Variants in NXPH1 observed in about 807,000 individuals in gnomAD.
The protein encoded by NXPH1 is neurexophilin-1.
NXPH1 carries 5 observed loss-of-function variants against 23.7 expected under a neutral mutation model. That is an observed-to-expected ratio of 0.21 (90% CI 0.11 to 0.44). The LOEUF (loss-of-function observed/expected upper bound fraction) is 0.44. NXPH1 is among the 20% of genes least tolerant of loss of function. The probability of loss-of-function intolerance (pLI) is 0.99; values close to 1 mark genes in which losing one functional copy is unlikely to be tolerated. For missense variants in NXPH1, 324 were observed against 321.6 expected, an observed-to-expected ratio of 1.01 and a Z score of -0.06; for synonymous variants, 144 against 122.2, an observed-to-expected ratio of 1.18 and a Z score of -1.18.
At chr7:8,454,489 G>A (rs1006978622) in intron 2 of NXPH1, among the ~76,000 whole-genome samples, 1 of 152,064 alleles carries the variant, frequency 6.6e-6, no homozygotes, top group South Asian at 2.1e-4. Context: ...CAAGCCCTTT[G>A]TTCATTTGTA....
intron 2 of NXPH1, among the ~76,000 whole-genome samples, chr7:8,699,398 T>C (rs911812024): frequency 9.2e-5 from 14 of 151,998 alleles, no homozygotes; most frequent in African/African-American, 3.1e-4. Context: ...CAAATTCACA[T>C]AGTGAAATGT....
intron 2 of NXPH1, among the ~76,000 whole-genome samples, chr7:8,501,327 T>C (rs1319405277): frequency 6.6e-6 from 1 of 151,908 alleles, no homozygotes; most frequent in East Asian, 1.9e-4. Context: ...CCTGGAAGCT[T>C]TTAGGAGTTG....
intron 2 of NXPH1, among the ~76,000 whole-genome samples, chr7:8,726,582 A>G (rs1253059627): frequency 9.0e-5 from 13 of 144,266 alleles, no homozygotes; most frequent in South Asian, 2.2e-4. Flanking sequence ...GAGAATATGC[A>G]GTGTTTGGTT....
chr7:8,681,133 A>G (rs186171026), intron 2 of NXPH1, among the ~76,000 whole-genome samples: 230 of 152,350 alleles, frequency 1.5e-3, no homozygotes, highest in Non-Finnish European at 2.6e-3. Flanking sequence ...TAGTTAGATA[A>G]GTAGATATTT....
intron 2 of NXPH1, among the ~76,000 whole-genome samples, chr7:8,639,375 C>T (rs950885783): frequency 1.3e-5 from 2 of 151,826 alleles, no homozygotes; most frequent in Non-Finnish European, 1.5e-5. Context: ...ACACTACAAA[C>T]AAAAGGCATG....
At chr7:8,467,859 A>G (rs1020534794) in intron 2 of NXPH1, among the ~76,000 whole-genome samples, 4 of 152,174 alleles carry the variant, frequency 2.6e-5, no homozygotes, top group Non-Finnish European at 5.9e-5. Flanking sequence ...TTCTTCTAGA[A>G]AATTTATTAT....
rs1388374943 is a variant in NXPH1 at position 8,751,750 on chromosome 7, C to G, written c.797C>G (p.Pro266Arg). The G allele has an allele frequency of 2.5e-6, 4 of 1,609,822 alleles. No individual in the cohort carries two copies. Among genetic ancestry groups the G allele is most frequent in the Non-Finnish European group, 3.4e-6 (4 of 1,177,828 alleles). The change falls in exon 3 of 3, where the codon CCT (proline) becomes CGT (arginine). Residue 266 changes from proline to arginine, a missense_variant. Coordinates refer to ENST00000405863, the MANE Select transcript of NXPH1 (RefSeq NM_152745.3). The surrounding 1 kb of genome is among the most constrained non-coding windows in gnomAD (Gnocchi z 4.5). The stretch of plus-strand genomic sequence containing the variant: ...GACTACAACTACCACAGTGACACAC[C>G]TTACTTTCCCTCGGGATGAAGGTGA... ...CPDYNYHSDT[P>R]YFPSG
At chr7:8,629,630 C>T (rs1820080751) in intron 2 of NXPH1, among the ~76,000 whole-genome samples, 1 of 152,066 alleles carries the variant, frequency 6.6e-6, no homozygotes, top group Non-Finnish European at 1.5e-5. Context: ...TAGGAAATAA[C>T]TCCATAGTAT....
intron 2 of NXPH1, among the ~76,000 whole-genome samples, chr7:8,437,652 G>T (rs920998943): frequency 6.6e-6 from 1 of 152,184 alleles, no homozygotes; most frequent in Non-Finnish European, 1.5e-5. Flanking sequence ...GTGTTTGTTG[G>T]CAGTTAAACC....
chr7:8,439,922 A>T (rs1353774616), intron 2 of NXPH1, among the ~76,000 whole-genome samples: 2 of 152,224 alleles, frequency 1.3e-5, no homozygotes, highest in African/African-American at 4.8e-5. Flanking sequence ...CCAGCTGCAC[A>T]CTGAAAATTC....
chr7:8,587,607 G>A (rs1819005239), intron 2 of NXPH1, among the ~76,000 whole-genome samples: 1 of 152,058 alleles, frequency 6.6e-6, no homozygotes, highest in Admixed American at 6.6e-5. Flanking sequence ...TCTACATTGG[G>A]TATTTCTCCT....
intron 2 of NXPH1, among the ~76,000 whole-genome samples, chr7:8,455,249 C>A (rs191753890): frequency 6.6e-6 from 1 of 152,026 alleles, no homozygotes; most frequent in Non-Finnish European, 1.5e-5. Flanking sequence ...TTGTGGCATA[C>A]GGCTAAAAAG....
At chr7:8,676,735 T>A (rs1820959290) in intron 2 of NXPH1, among the ~76,000 whole-genome samples, 1 of 152,168 alleles carries the variant, frequency 6.6e-6, no homozygotes, top group Admixed American at 6.5e-5. Flanking sequence ...AAGTAGCAAC[T>A]TAAATATATA....
chr7:8,504,539 T>C (rs925124380), intron 2 of NXPH1, among the ~76,000 whole-genome samples: 1 of 152,070 alleles, frequency 6.6e-6, no homozygotes, highest in African/African-American at 2.4e-5. Context: ...GAGCAGTTTC[T>C]ATCTCTTAGT....
intron 2 of NXPH1, among the ~76,000 whole-genome samples, chr7:8,467,265 G>T (rs1816801110): frequency 6.6e-6 from 1 of 152,108 alleles, no homozygotes; most frequent in Non-Finnish European, 1.5e-5. Context: ...GTATTTTATA[G>T]ATCTATGAAA....
chr7:8,451,479 T>G (rs1205079660), intron 2 of NXPH1, among the ~76,000 whole-genome samples: 1 of 152,242 alleles, frequency 6.6e-6, no homozygotes, highest in Non-Finnish European at 1.5e-5. Context: ...AACATACCAA[T>G]GTCATCCCAA....
Position 8,662,589 on chromosome 7 carries a change from C to A in NXPH1, c.55-88419C>A, listed in dbSNP as rs180789725. Among the ~76,000 whole-genome samples the A allele has an allele frequency of 3.9e-4, 59 of 152,016 alleles. No individual in the cohort carries two copies. In the East Asian group the frequency reaches 7.5e-3, roughly 19 times the overall value. On this transcript the variant is annotated intron_variant, in intron 2 of 2. Coordinates refer to ENST00000405863, the MANE Select transcript of NXPH1 (RefSeq NM_152745.3). ...TTTAAATTTGTGAATGAAGGACTTT[C>A]AATTTTTTATCAAGTCTGGGTGAGT...
In NXPH1 at chr7:8,627,245, G is replaced by A. The variant is rs145527057; in HGVS notation, c.55-123763G>A. On this transcript the variant is annotated intron_variant, in intron 2 of 2. Coordinates refer to ENST00000405863, the MANE Select transcript of NXPH1 (RefSeq NM_152745.3). Reference sequence around the variant, plus strand: ...TACCTGGGAACTCATGCATGACCTCGGGCAAGGTAACAAGGGAATGCTCAT... The same window carrying A: ...TACCTGGGAACTCATGCATGACCTCAGGCAAGGTAACAAGGGAATGCTCAT... 4.9e-3 allele frequency among the ~76,000 whole-genome samples: 741 copies of A among 152,008 alleles called. 6 individuals are homozygous for A. Among genetic ancestry groups the A allele is most frequent in the African/African-American group, 0.017 (690 of 41,432 alleles).
intron 2 of NXPH1, among the ~76,000 whole-genome samples, chr7:8,741,061 C>T (rs1780352925): frequency 6.6e-6 from 1 of 152,170 alleles, no homozygotes; most frequent in African/African-American, 2.4e-5. Flanking sequence ...TTCCTCCATT[C>T]CCCAGCCTCT....
Sources: gnomAD v4.1 joint callset for allele counts (sites outside exome capture counted in the v4.1 genomes callset) on GRCh38, gnomAD v4.1.1 for gene constraint, Gnocchi (gnomAD v3.1) non-coding constraint, MANE v1.5 for transcripts, NCBI Gene and HGNC (gene_info 2026-07-23, HGNC 2026-07-21) for gene names.